The following CPAMD8 variants were observed in gnomAD, a reference collection of about 807,000 sequenced individuals.
The protein encoded by CPAMD8 is C3 and PZP-like alpha-2-macroglobulin domain-containing protein 8.
A neutral mutation model predicts 224.7 loss-of-function variants in CPAMD8; 146 were observed. That is an observed-to-expected ratio of 0.65 (90% CI 0.57 to 0.75). CPAMD8 has a LOEUF of 0.75. Ranked by LOEUF, CPAMD8 falls within the 30% of genes least tolerant of loss-of-function variation. The pLI, the probability that CPAMD8 is intolerant of heterozygous loss-of-function variation, is 0.00. For missense variants in CPAMD8, 2,301 were observed against 2,537.5 expected, an observed-to-expected ratio of 0.91 and a Z score of 2.00; for synonymous variants, 966 against 1,044.6, an observed-to-expected ratio of 0.92 and a Z score of 1.45.
At chr19:16,918,776 T>A (rs1196471228) in intron 27 of CPAMD8, among the ~76,000 whole-genome samples, 1 of 148,226 alleles carries the variant, frequency 6.7e-6, no homozygotes, top group Non-Finnish European at 1.5e-5. Flanking sequence ...TTCTGAATAG[T>A]TTCGATCTGT....
intron 18 of CPAMD8, among the ~76,000 whole-genome samples, chr19:16,958,553 G>A (rs1020333108): frequency 8.5e-5 from 13 of 152,216 alleles, no homozygotes; most frequent in African/African-American, 2.2e-4. Context: ...CCAGGTCTTT[G>A]CTATTGTAAA....
intron 38 of CPAMD8, 37 bp downstream of exon 38, chr19:16,897,852 A>ACCGGG (rs1289761699): frequency 6.3e-6 from 10 of 1,582,250 alleles, no homozygotes; most frequent in Non-Finnish European, 7.7e-6. Flanking sequence ...CGGGTCAGGG[A>ACCGGG]CCGGGCCGGG....
chr19:17,009,020 C>T (rs1363447103), intron 6 of CPAMD8, among the ~76,000 whole-genome samples: 1 of 151,896 alleles, frequency 6.6e-6, no homozygotes, highest in Non-Finnish European at 1.5e-5. Flanking sequence ...CGCTTGAACC[C>T]GGGAGGCAGA....
chr19:16,978,572 A>G (rs8106883), intron 14 of CPAMD8, among the ~76,000 whole-genome samples: 73,264 of 151,774 alleles, frequency 0.48, 20,660 homozygotes, highest in African/African-American at 0.8. Flanking sequence ...TGCTGGCAAT[A>G]TCTGCGGATG....
intron 20 of CPAMD8, among the ~76,000 whole-genome samples, chr19:16,948,556 G>A (rs2122300285): frequency 6.6e-6 from 1 of 151,906 alleles, no homozygotes; most frequent in Non-Finnish European, 1.5e-5. Context: ...ACACCAGCTT[G>A]GCCAACATGA....
intron 22 of CPAMD8, among the ~76,000 whole-genome samples, chr19:16,942,952 T>G (rs1341700700): frequency 6.6e-6 from 1 of 152,184 alleles, no homozygotes; most frequent in East Asian, 1.9e-4. Flanking sequence ...GCATTTCATA[T>G]AAATTGAATC....
At chr19:16,904,176 A>AGCGCCCC in intron 32 of CPAMD8, 50 bp downstream of exon 32, 2 of 937,338 alleles carry the variant, frequency 2.1e-6, no homozygotes, top group Non-Finnish European at 3.3e-6. Flanking sequence ...GACTGCAGGG[A>AGCGCCCC]CCCCACCCAC....
At chr19:16,901,388 G>T in intron 35 of CPAMD8, 91 bp from the exon 36 acceptor site, 1 of 878,068 alleles carries the variant, frequency 1.1e-6, no homozygotes, top group Non-Finnish European at 1.8e-6. Context: ...CCACACAGCT[G>T]ATGTCCCAGG....
intron 5 of CPAMD8, 40 bp downstream of exon 5, chr19:17,011,424 G>T (rs1432665747): frequency 8.7e-6 from 14 of 1,610,826 alleles, no homozygotes; most frequent in Non-Finnish European, 1.1e-5. Flanking sequence ...AGTCCCAAGT[G>T]GGTGCACTCC....
intron 7 of CPAMD8, among the ~76,000 whole-genome samples, chr19:17,005,733 C>T (rs924165612): frequency 2.6e-5 from 4 of 152,154 alleles, no homozygotes; most frequent in African/African-American, 9.7e-5. Context: ...CCCATAGCGG[C>T]GCCCACGGCT....
intron 27 of CPAMD8, among the ~76,000 whole-genome samples, chr19:16,916,576 A>C (rs897790973): frequency 2.6e-5 from 4 of 151,756 alleles, no homozygotes; most frequent in African/African-American, 4.8e-5. Context: ...ATCTCCACTA[A>C]AAATAAAAAA....
At chr19:16,940,953 T>C (rs1026068338) in intron 22 of CPAMD8, among the ~76,000 whole-genome samples, 1 of 152,182 alleles carries the variant, frequency 6.6e-6, no homozygotes, top group Non-Finnish European at 1.5e-5. Flanking sequence ...GTTTTTGAGA[T>C]GGAATCTCGC....
intron 27 of CPAMD8, among the ~76,000 whole-genome samples, chr19:16,920,473 C>A (rs2053129499): frequency 6.6e-6 from 1 of 151,830 alleles, no homozygotes; most frequent in Admixed American, 6.6e-5. Context: ...GAGCGAGACT[C>A]CGTCTCAAAA....
chr19:17,017,143 C>A (rs2056834223), intron 3 of CPAMD8, among the ~76,000 whole-genome samples: 1 of 152,066 alleles, frequency 6.6e-6, no homozygotes, highest in Non-Finnish European at 1.5e-5. Context: ...GGAGTGTGAA[C>A]CCTATTGTGA....
chr19:16,928,956 C>A lies in CPAMD8; in HGVS notation c.3130G>T (p.Gly1044Cys). The change falls in exon 24 of 42, where the codon GGT becomes TGT. Residue 1044 changes from glycine to cysteine, a missense_variant. Gly to Cys is a radical substitution (Grantham distance 159). Around this residue, in one of 4 missense-constraint regions of CPAMD8, gnomAD observed 1,709 missense variants for 1,753.2 expected, o/e 0.97. Coordinates refer to ENST00000443236, the MANE Select transcript of CPAMD8 (RefSeq NM_015692.5). ...EFRTFWISWR[G>C]GLIQVGHGPE... ...CTGCTGTATACCTGGATAAGGCCAC[C>A]ACGCCAGCTGATCCAGAATGTTCTG... is the stretch of plus-strand genomic sequence containing the variant. 6.2e-7 allele frequency: 1 copy of A among 1,606,394 alleles called. No homozygotes were observed. Among genetic ancestry groups the A allele is most frequent in the Non-Finnish European group, 8.5e-7 (1 of 1,175,424 alleles).
intron 13 of CPAMD8, among the ~76,000 whole-genome samples, chr19:16,986,105 C>A (rs1828865992): frequency 6.6e-6 from 1 of 152,014 alleles, no homozygotes; most frequent in Non-Finnish European, 1.5e-5. Flanking sequence ...GTGAGCGCCC[C>A]CATTCACCAA....
intron 13 of CPAMD8, among the ~76,000 whole-genome samples, chr19:16,985,351 G>GGATA (rs770914189): frequency 1.3e-5 from 2 of 150,830 alleles, no homozygotes; most frequent in Non-Finnish European, 3.0e-5. Flanking sequence ...GCGGATGGAT[G>GGATA]GATGGATGGA....
chr19:17,026,761 C>G lies in CPAMD8; in HGVS notation c.-119G>C. 8.5e-7 allele frequency: 1 copy of G among 1,182,254 alleles called. No individual in the cohort carries two copies. Among genetic ancestry groups the G allele is most frequent in the Non-Finnish European group, 1.0e-6 (1 of 956,836 alleles). The allele number at this position is 1,182,254 out of a possible 1,614,324, so 73.2% of individuals were successfully genotyped here. On this transcript the variant is annotated 5_prime_UTR_variant, in exon 1 of 42. Coordinates refer to ENST00000443236, the MANE Select transcript of CPAMD8 (RefSeq NM_015692.5). Reference sequence around the variant, plus strand: ...GCCGGGGGCCCTTTGTTCGCAGCCCCCGCGCAGTGCGCCCGGCGCCATGCG... The same window carrying G: ...GCCGGGGGCCCTTTGTTCGCAGCCCGCGCGCAGTGCGCCCGGCGCCATGCG...
chr19:16,897,558 A>T (rs1233019013), intron 39 of CPAMD8, 133 bp downstream of exon 39: 1 of 589,884 alleles, frequency 1.7e-6, no homozygotes, highest in East Asian at 3.1e-5. Context: ...GCCCACCTCT[A>T]TGCTGCGTTC....
Sources: allele counts gnomAD v4.1 joint callset (sites outside exome capture counted in the v4.1 genomes callset), GRCh38; gene constraint gnomAD v4.1.1; regional missense constraint gnomAD v4.1.1; transcripts MANE v1.5; gene names NCBI Gene and HGNC (gene_info 2026-07-23, HGNC 2026-07-21).